TRPM3: variants seen among roughly 807,000 people sequenced by gnomAD.
TRPM3 encodes the protein transient receptor potential cation channel subfamily M member 3.
Under a neutral mutation model 181.2 loss-of-function variants are expected in TRPM3, and 77 were observed. The observed-to-expected ratio is 0.42, with a 90% CI of 0.35 to 0.51. The LOEUF is 0.51. TRPM3 is among the 20% of genes least tolerant of loss of function. The pLI is 0.01. For missense variants in TRPM3, 1,759 were observed against 2,196.7 expected (o/e 0.80, Z 3.98); for synonymous variants, 745 against 796.4 (o/e 0.94, Z 1.09).
At chr9:70,654,844 G>A (rs1022777905) in intron 9 of TRPM3, among the ~76,000 whole-genome samples, 1 of 151,474 alleles carries the variant, frequency 6.6e-6, no homozygotes, top group Non-Finnish European at 1.5e-5. Flanking sequence ...ACCACGCCTG[G>A]CTAATTTTTT....
At chr9:71,207,842 T>C (rs1365345593) in intron 1 of TRPM3, among the ~76,000 whole-genome samples, 1 of 152,142 alleles carries the variant, frequency 6.6e-6, no homozygotes, top group East Asian at 1.9e-4. Flanking sequence ...TTCAATCTCT[T>C]TTACTTTTAT....
chr9:70,943,362 C>T (rs923609124), intron 1 of TRPM3, among the ~76,000 whole-genome samples: 5 of 152,172 alleles, frequency 3.3e-5, no homozygotes, highest in African/African-American at 9.7e-5. Context: ...ATTGCATTTA[C>T]CCATGACATA....
intron 22 of TRPM3, among the ~76,000 whole-genome samples, chr9:70,569,456 GC>G (rs1210158791): frequency 3.3e-5 from 5 of 152,156 alleles, no homozygotes; most frequent in African/African-American, 7.2e-5. Context: ...ATGAAGAATA[GC>G]CTATTATTTC....
intron 1 of TRPM3, among the ~76,000 whole-genome samples, chr9:71,291,703 A>G (rs1360239967): frequency 6.6e-6 from 1 of 152,126 alleles, no homozygotes; most frequent in Non-Finnish European, 1.5e-5. Context: ...CAGATACAAA[A>G]AACAATTACA....
chr9:71,141,953 A>C (rs999190841), intron 1 of TRPM3, among the ~76,000 whole-genome samples: 2 of 152,270 alleles, frequency 1.3e-5, no homozygotes, highest in Non-Finnish European at 2.9e-5. Context: ...AATATATCCA[A>C]GTTTCTTCTC....
chr9:71,380,657 ATTATC>A (rs2092778499), intron 1 of TRPM3, among the ~76,000 whole-genome samples: 1 of 152,076 alleles, frequency 6.6e-6, no homozygotes, highest in African/African-American at 2.4e-5. Context: ...ATTATTTCAT[ATTATC>A]TTAAACATAA....
intron 22 of TRPM3, among the ~76,000 whole-genome samples, chr9:70,580,262 T>TAGACCC (rs2132330394): frequency 6.6e-6 from 1 of 152,258 alleles, no homozygotes; most frequent in East Asian, 1.9e-4. Flanking sequence ...AAGCTATACT[T>TAGACCC]AAAAAGGGGC....
At chr9:71,253,079 T>C (rs2082450378) in intron 1 of TRPM3, among the ~76,000 whole-genome samples, 1 of 152,136 alleles carries the variant, frequency 6.6e-6, no homozygotes, top group South Asian at 2.1e-4. Context: ...GATTTACCTT[T>C]ACAGAATTAC....
intron 1 of TRPM3, among the ~76,000 whole-genome samples, chr9:71,007,940 A>G (rs1014625953): frequency 2.0e-5 from 3 of 152,146 alleles, no homozygotes; most frequent in African/African-American, 7.2e-5. Context: ...AGCAGAAATA[A>G]ACAAAATAGA....
At chr9:70,617,166 C>G (rs895977392) in intron 17 of TRPM3, among the ~76,000 whole-genome samples, 1 of 152,168 alleles carries the variant, frequency 6.6e-6, no homozygotes, top group African/African-American at 2.4e-5. Flanking sequence ...GCCTGGCCGG[C>G]CTACGAAGGC....
At chr9:70,974,526 G>A (rs1050814821) in intron 1 of TRPM3, among the ~76,000 whole-genome samples, 2 of 148,896 alleles carry the variant, frequency 1.3e-5, no homozygotes, top group African/African-American at 2.5e-5. Flanking sequence ...GCGACAGAGC[G>A]AGACTCCGTC....
chr9:70,863,180 C>A (rs2132407903), intron 2 of TRPM3, 68 bp from the exon 3 acceptor site: 1 of 1,371,484 alleles, frequency 7.3e-7, no homozygotes, highest in East Asian at 2.3e-5. Context: ...TTAAGGCAAC[C>A]AGCTGGAGAA....
chr9:70,893,081 TC>T (rs1429357663), intron 1 of TRPM3, among the ~76,000 whole-genome samples: 1 of 152,200 alleles, frequency 6.6e-6, no homozygotes, highest in Non-Finnish European at 1.5e-5. Context: ...ATGATATATT[TC>T]CCCAAAGCAG....
At chr9:71,333,076 G>A (rs1210092595) in intron 1 of TRPM3, among the ~76,000 whole-genome samples, 1 of 151,802 alleles carries the variant, frequency 6.6e-6, no homozygotes, top group Non-Finnish European at 1.5e-5. Flanking sequence ...GAGAAGGGAA[G>A]AATTTTGAAC....
chr9:71,206,398 G>T (rs1409482657), intron 1 of TRPM3, among the ~76,000 whole-genome samples: 1 of 152,078 alleles, frequency 6.6e-6, no homozygotes, highest in South Asian at 2.1e-4. Flanking sequence ...GTCTTCTTTC[G>T]AAAAGTTTCT....
chr9:71,102,299 C>T (rs1285096640), intron 1 of TRPM3, among the ~76,000 whole-genome samples: 3 of 152,160 alleles, frequency 2.0e-5, no homozygotes, highest in African/African-American at 7.2e-5. Flanking sequence ...TGAATTTTTA[C>T]TTGTCATTGA....
intron 1 of TRPM3, among the ~76,000 whole-genome samples, chr9:71,370,850 A>T (rs2092486970): frequency 6.6e-6 from 1 of 152,184 alleles, no homozygotes; most frequent in Non-Finnish European, 1.5e-5. Flanking sequence ...GTTTCAAAAG[A>T]CTGGCTGACT....
chr9:71,055,890 A>T (rs1039112599), intron 1 of TRPM3, among the ~76,000 whole-genome samples: 6 of 152,030 alleles, frequency 3.9e-5, no homozygotes, highest in African/African-American at 7.2e-5. Context: ...CCAGCCCAAC[A>T]TCTAGAAATC....
intron 1 of TRPM3, among the ~76,000 whole-genome samples, chr9:70,989,428 G>A (rs1402097390): frequency 6.6e-6 from 1 of 152,172 alleles, no homozygotes; most frequent in Non-Finnish European, 1.5e-5. Context: ...CTTGCCCACA[G>A]GCTTAGCTAA....
Sources: gnomAD v4.1 joint callset for allele counts (sites outside exome capture counted in the v4.1 genomes callset) on GRCh38, gnomAD v4.1.1 for gene constraint, MANE v1.5 for transcripts, NCBI Gene and HGNC (gene_info 2026-07-23, HGNC 2026-07-21) for gene names.